The following KLF8 variants were observed in gnomAD, a reference collection of about 807,000 sequenced individuals.
KLF8 encodes the protein Krueppel-like factor 8.
Under a neutral mutation model 18.2 loss-of-function variants are expected in KLF8, and 10 were observed. That is an observed-to-expected ratio of 0.55 (90% CI 0.34 to 0.93). The LOEUF is 0.93. KLF8 is among the 40% of genes least tolerant of loss of function. The pLI, the probability that KLF8 is intolerant of heterozygous loss-of-function variation, is 0.02. For missense variants in KLF8, 264 were observed against 277.9 expected (o/e 0.95, Z 0.36); for synonymous variants, 109 against 97.3 (o/e 1.12, Z -0.71).
chrX:55,927,948 A>G, the KLF8 span, among the ~76,000 whole-genome samples: 4 of 112,094 alleles, frequency 3.6e-5, no homozygotes, highest in Non-Finnish European at 7.5e-5. Flanking sequence ...TAAACAGTGA[A>G]CATTGATATG....
At chrX:56,230,461 A>G (rs1052763101), upstream of KLF8, among the ~76,000 whole-genome samples, 1 of 112,208 alleles carries the variant, frequency 8.9e-6, no homozygotes, top group African/African-American at 3.2e-5. Flanking sequence ...GTATGATTCC[A>G]TCTCAATATA....
chrX:56,107,804 C>T, the KLF8 span, among the ~76,000 whole-genome samples: 127 of 111,379 alleles, frequency 1.1e-3, no homozygotes, highest in Admixed American at 3.6e-3. Flanking sequence ...TCTTCTGCCT[C>T]GATCATGCTG....
the KLF8 span, among the ~76,000 whole-genome samples, chrX:56,029,138 C>T: frequency 4.5e-5 from 5 of 111,148 alleles, no homozygotes; most frequent in East Asian, 1.1e-3. Context: ...ATCACCAGCC[C>T]TGGAGGATTG....
the KLF8 span, among the ~76,000 whole-genome samples, chrX:56,141,611 C>G: frequency 9.0e-6 from 1 of 111,112 alleles, no homozygotes; most frequent in Non-Finnish European, 1.9e-5. Context: ...CATTAACACC[C>G]TGTTTTTTAT....
At chrX:56,079,724 A>G in the KLF8 span, among the ~76,000 whole-genome samples, 1 of 110,332 alleles carries the variant, frequency 9.1e-6, no homozygotes, top group Non-Finnish European at 1.9e-5. Context: ...TGTCTTGTTG[A>G]TCTGTCTAAT....
the KLF8 span, among the ~76,000 whole-genome samples, chrX:55,954,370 C>CA: frequency 9.0e-6 from 1 of 111,033 alleles, no homozygotes. Flanking sequence ...ATATACTTCA[C>CA]AAAAAAATAG....
At chrX:55,927,128 T>C in the KLF8 span, among the ~76,000 whole-genome samples, 2 of 112,182 alleles carry the variant, frequency 1.8e-5, no homozygotes, top group East Asian at 5.6e-4. Flanking sequence ...AAAACAATTA[T>C]ACCTATACTC....
intron 2 of KLF8, among the ~76,000 whole-genome samples, chrX:56,258,788 C>G (rs751287133): frequency 1.1e-4 from 12 of 111,425 alleles, no homozygotes; most frequent in Non-Finnish European, 2.3e-4. Flanking sequence ...AGCCTGAGTG[C>G]TTGTGATACA....
the KLF8 span, among the ~76,000 whole-genome samples, chrX:56,101,174 A>T: frequency 9.0e-6 from 1 of 111,679 alleles, no homozygotes; most frequent in Non-Finnish European, 1.9e-5. Flanking sequence ...CTTTATGTGC[A>T]TGTGTACTCA....
At chrX:56,207,241 A>G in the KLF8 span, among the ~76,000 whole-genome samples, 1 of 112,436 alleles carries the variant, frequency 8.9e-6, no homozygotes, top group African/African-American at 3.2e-5. Context: ...GGCAATTAAC[A>G]TTTGGTTTCT....
chrX:56,116,398 G>C, the KLF8 span, among the ~76,000 whole-genome samples: 16 of 111,540 alleles, frequency 1.4e-4, no homozygotes, highest in Non-Finnish European at 3.0e-4. Context: ...TCTCCATTCA[G>C]TTGAGAGCTA....
chrX:56,062,948 A>T, the KLF8 span, among the ~76,000 whole-genome samples: 1 of 109,242 alleles, frequency 9.2e-6, no homozygotes, highest in African/African-American at 3.3e-5. Context: ...CTTTTGCTTG[A>T]TCGATTTGGC....
the KLF8 span, among the ~76,000 whole-genome samples, chrX:56,056,541 T>C: frequency 0.53 from 52,935 of 100,420 alleles, 13,567 homozygotes; most frequent in East Asian, 0.75. Flanking sequence ...CAGTAAACTA[T>C]TGCAAGAACA....
At chrX:55,948,388 G>T in the KLF8 span, among the ~76,000 whole-genome samples, 2 of 111,952 alleles carry the variant, frequency 1.8e-5, no homozygotes, top group East Asian at 5.6e-4. Flanking sequence ...TAGCTACAGA[G>T]CTGGAATTGG....
chrX:56,109,374 A>G, the KLF8 span, among the ~76,000 whole-genome samples: 1 of 104,475 alleles, frequency 9.6e-6, no homozygotes, highest in Non-Finnish European at 1.9e-5. Context: ...TAGTCTGGGC[A>G]ATAGAGCAAA....
At chrX:56,081,723 A>G in the KLF8 span, among the ~76,000 whole-genome samples, 31 of 111,800 alleles carry the variant, frequency 2.8e-4, no homozygotes, top group African/African-American at 1.0e-3. Flanking sequence ...TCAATGCACT[A>G]ATTTTTCCTG....
chrX:55,947,295 T>C, the KLF8 span, among the ~76,000 whole-genome samples: 1 of 110,328 alleles, frequency 9.1e-6, no homozygotes, highest in African/African-American at 3.3e-5. Flanking sequence ...CACCATGGAA[T>C]ACTATTCGGC....
chrX:55,959,143 A>G, the KLF8 span, among the ~76,000 whole-genome samples: 2 of 112,492 alleles, frequency 1.8e-5, no homozygotes, highest in African/African-American at 6.5e-5. Flanking sequence ...TATGCAGTCC[A>G]AAAGTGCTGA....
At chrX:56,164,109 AT>A in the KLF8 span, among the ~76,000 whole-genome samples, 17 of 107,871 alleles carry the variant, frequency 1.6e-4, no homozygotes, top group East Asian at 1.2e-3. Flanking sequence ...TTTATTTTTT[AT>A]TTTTTTTTTA....
Sources: gnomAD v4.1 joint callset for allele counts (sites outside exome capture counted in the v4.1 genomes callset) on GRCh38, gnomAD v4.1.1 for gene constraint, MANE v1.5 for transcripts, NCBI Gene and HGNC (gene_info 2026-07-23, HGNC 2026-07-21) for gene names.